Variants in NEK11 observed in about 807,000 individuals in gnomAD.
The protein encoded by NEK11 is serine/threonine-protein kinase Nek11.
In NEK11, 72 loss-of-function variants were observed where a neutral mutation model predicts 80.7. The ratio of observed to expected loss-of-function variants is 0.89; its 90% CI spans 0.74 to 1.08. The LOEUF (loss-of-function observed/expected upper bound fraction) is 1.08. Ranked by LOEUF, NEK11 falls within the 50% of genes least tolerant of loss-of-function variation. The pLI, the probability that NEK11 is intolerant of heterozygous loss-of-function variation, is 0.00. For synonymous variants in NEK11, 251 were observed against 260.7 expected (o/e 0.96, Z 0.36); for missense variants, 764 against 763.6 (o/e 1.00, Z -0.01).
intron 5 of NEK11, among the ~76,000 whole-genome samples, chr3:131,116,493 T>C (rs1032669491): frequency 2.6e-5 from 4 of 152,220 alleles, no homozygotes; most frequent in Non-Finnish European, 5.9e-5. Flanking sequence ...ATATACCCAG[T>C]AATGGGATGG....
intron 17 of NEK11, among the ~76,000 whole-genome samples, chr3:131,314,917 A>G (rs868097526): frequency 3.3e-5 from 5 of 152,228 alleles, no homozygotes; most frequent in Admixed American, 2.0e-4. Flanking sequence ...AAAAAGCAAC[A>G]AACAAATAAC....
At chr3:131,162,634 G>A (rs946761120) in intron 11 of NEK11, 107 bp downstream of exon 11, 78 of 1,233,696 alleles carry the variant, frequency 6.3e-5, no homozygotes, top group East Asian at 1.9e-4. Flanking sequence ...CAATGCATAC[G>A]ATTATGTATT....
At chr3:131,341,073 C>T (rs112757824) in intron 17 of NEK11, among the ~76,000 whole-genome samples, 1,563 of 152,266 alleles carry the variant, frequency 0.01, 23 homozygotes, top group African/African-American at 0.034. Flanking sequence ...ATACTGCCCT[C>T]CCTTCTCACA....
At chr3:131,339,075 A>C (rs1207917917) in intron 17 of NEK11, among the ~76,000 whole-genome samples, 1 of 152,084 alleles carries the variant, frequency 6.6e-6, no homozygotes, top group Non-Finnish European at 1.5e-5. Context: ...GACTTAACAG[A>C]CTCTTTGAAA....
intron 7 of NEK11, among the ~76,000 whole-genome samples, chr3:131,142,440 G>C (rs148409545): frequency 1.3e-5 from 2 of 150,526 alleles, no homozygotes; most frequent in East Asian, 3.9e-4. Flanking sequence ...CATCATAAAA[G>C]AGCCTCTGGA....
At chr3:131,091,779 GTTTA>G (rs1458119983) in intron 4 of NEK11, among the ~76,000 whole-genome samples, 1 of 152,144 alleles carries the variant, frequency 6.6e-6, no homozygotes, top group African/African-American at 2.4e-5. Flanking sequence ...ATTTACCAAA[GTTTA>G]TTTGAGCACA....
chr3:131,228,736 A>G, intron 15 of NEK11, 48 bp downstream of exon 15: 1 of 1,548,830 alleles, frequency 6.5e-7, no homozygotes, highest in Non-Finnish European at 8.7e-7. Flanking sequence ...CAAGGTACTG[A>G]TTGGACTCTC....
At chr3:131,059,863 A>G (rs777982586) in intron 3 of NEK11, among the ~76,000 whole-genome samples, 6 of 152,230 alleles carry the variant, frequency 3.9e-5, no homozygotes, top group Admixed American at 6.5e-5. Flanking sequence ...GTGACCAAGA[A>G]TGAGGTTGGT....
intron 17 of NEK11, among the ~76,000 whole-genome samples, chr3:131,295,991 C>G (rs1181511141): frequency 6.6e-6 from 1 of 152,074 alleles, no homozygotes; most frequent in East Asian, 1.9e-4. Flanking sequence ...AAGGTGAGTG[C>G]CACCACATCT....
intron 15 of NEK11, among the ~76,000 whole-genome samples, chr3:131,239,771 T>C (rs1243240459): frequency 6.6e-6 from 1 of 152,192 alleles, no homozygotes; most frequent in Non-Finnish European, 1.5e-5. Context: ...GTGCTCAAAC[T>C]GAGCTCTCAT....
chr3:131,343,742 G>T (rs1283264165), intron 17 of NEK11, among the ~76,000 whole-genome samples: 1 of 152,210 alleles, frequency 6.6e-6, no homozygotes, highest in African/African-American at 2.4e-5. Context: ...GGCCTAAGCT[G>T]GACCTCTTTG....
intron 7 of NEK11, among the ~76,000 whole-genome samples, chr3:131,139,089 G>T (rs2086264528): frequency 6.6e-6 from 1 of 152,018 alleles, no homozygotes; most frequent in African/African-American, 2.4e-5. Flanking sequence ...TTCAGACAGA[G>T]AATTCATAAT....
At chr3:131,315,653 T>C (rs2096831174) in intron 17 of NEK11, among the ~76,000 whole-genome samples, 1 of 151,966 alleles carries the variant, frequency 6.6e-6, no homozygotes, top group African/African-American at 2.4e-5. Flanking sequence ...GATCATCCCA[T>C]CATCCAGGTA....
intron 17 of NEK11, among the ~76,000 whole-genome samples, chr3:131,287,518 C>T (rs1258788423): frequency 6.6e-6 from 1 of 152,180 alleles, no homozygotes; most frequent in Non-Finnish European, 1.5e-5. Flanking sequence ...AGGTGATCCA[C>T]CTGCCTCGGC....
At chr3:131,117,119 T>G (rs12639524) in intron 5 of NEK11, among the ~76,000 whole-genome samples, 28,048 of 152,148 alleles carry the variant, frequency 0.18, 2,663 homozygotes, top group Middle Eastern at 0.22. Context: ...GGTCTAACAG[T>G]TAAGTCTTTA....
chr3:131,109,788 TGCTCTTC>T lies in NEK11; in HGVS notation c.337-14_337-8del. ...TTAGCTGAAAAAATATGAAAGATTA[TGCTCTTC>T]ATTTCAGGGCCGAGATCTGGACGAT... is the stretch of plus-strand genomic sequence containing the variant. On this transcript the variant is annotated splice_polypyrimidine_tract_variant and splice_region_variant and intron_variant, in intron 4 of 17. Transcript: ENST00000383366. The T allele has an allele frequency of 6.3e-7, 1 of 1,576,558 alleles. No individual in the cohort carries two copies.
intron 14 of NEK11, among the ~76,000 whole-genome samples, chr3:131,218,159 G>T (rs1394560813): frequency 1.3e-5 from 2 of 152,176 alleles, no homozygotes; most frequent in East Asian, 3.8e-4. Flanking sequence ...CATGAGTCAA[G>T]ATATTTTTAT....
At chr3:131,242,320 A>C (rs2095532172) in intron 15 of NEK11, among the ~76,000 whole-genome samples, 1 of 152,132 alleles carries the variant, frequency 6.6e-6, no homozygotes, top group Non-Finnish European at 1.5e-5. Context: ...TCAACAAAGA[A>C]GCCGTTGTTA....
At chr3:131,088,714 A>T (rs950028768) in intron 4 of NEK11, among the ~76,000 whole-genome samples, 1 of 152,182 alleles carries the variant, frequency 6.6e-6, no homozygotes, top group African/African-American at 2.4e-5. Context: ...CTCTAAAAGA[A>T]TTTGAAAAAA....
Sources: gnomAD v4.1 joint callset for allele counts (sites outside exome capture counted in the v4.1 genomes callset) on GRCh38, gnomAD v4.1.1 for gene constraint, MANE v1.5 for transcripts, NCBI Gene and HGNC (gene_info 2026-07-23, HGNC 2026-07-21) for gene names.